The following PP2D1 variants were observed in gnomAD, a reference collection of about 807,000 sequenced individuals.
The protein encoded by PP2D1 is protein phosphatase 2C like domain containing 1.
In PP2D1, 25 loss-of-function variants were observed where a neutral mutation model predicts 30.2. The ratio of observed to expected loss-of-function variants is 0.83; its 90% CI spans 0.60 to 1.16. PP2D1 has a LOEUF of 1.16. PP2D1 is among the 50% of genes most tolerant of loss of function. PP2D1 has a pLI of 0.00. For synonymous variants in PP2D1, 260 were observed against 258.9 expected (o/e 1.00, Z -0.04); for missense variants, 760 against 742.4 (o/e 1.02, Z -0.28).
intron 1 of PP2D1, among the ~76,000 whole-genome samples, chr3:20,009,890 C>T (rs897070045): frequency 6.6e-5 from 10 of 152,142 alleles, no homozygotes; most frequent in African/African-American, 2.4e-4. Flanking sequence ...CAAATGTCCA[C>T]GTTATAAATA....
intron 1 of PP2D1, among the ~76,000 whole-genome samples, chr3:20,004,686 G>A (rs920947741): frequency 6.6e-6 from 1 of 152,076 alleles, no homozygotes; most frequent in African/African-American, 2.4e-5. Context: ...ACTGTACTCG[G>A]CACCTGGGGC....
At chr3:19,998,869 T>C (rs191508272) in intron 2 of PP2D1, among the ~76,000 whole-genome samples, 1 of 152,346 alleles carries the variant, frequency 6.6e-6, no homozygotes, top group East Asian at 1.9e-4. Context: ...CTGAAAGTCA[T>C]TTAAAGTTCT....
chr3:19,986,546 G>C (rs9858341), intron 2 of PP2D1, among the ~76,000 whole-genome samples: 131,687 of 152,188 alleles, frequency 0.87, 58,238 homozygotes, highest in African/African-American at 0.94. Context: ...TTCCATCTAG[G>C]AGATTTTTAA....
In PP2D1 at chr3:19,985,500, T is replaced by G. The variant is rs1409936681; in HGVS notation, c.1773A>C (p.Glu591Asp). Residue 591 changes from glutamate (E) to aspartate (D), a missense_variant, in exon 3 of 3, where the codon GAA (glutamate) becomes GAC (aspartate). Physicochemically the swap from Glu to Asp is conservative, Grantham distance 45. Coordinates refer to ENST00000389050, the MANE Select transcript of PP2D1 (RefSeq NM_001252657.2). ...CATGGCTAACATACTCAGCTGCGCC[T>G]TCATAGAAACTCTTAGTGTCTGATT... is the stretch of plus-strand genomic sequence containing the variant. ...EKESDTKSFYEGAAEYVSHEL... is the reference protein window; with the variant it reads ...EKESDTKSFYDGAAEYVSHEL... 3.3e-6 allele frequency: 5 copies of G among 1,536,104 alleles called. No individual in the cohort carries two copies. The East Asian group carries it at 1.2e-4, about 38-fold the overall frequency.
chr3:20,009,922 T>G (rs1476012321), intron 1 of PP2D1, among the ~76,000 whole-genome samples: 1 of 152,242 alleles, frequency 6.6e-6, no homozygotes, highest in Non-Finnish European at 1.5e-5. Context: ...ATTTGAATTT[T>G]GGGAAGCCTT....
At chr3:20,007,597 C>T (rs1697335312) in intron 1 of PP2D1, among the ~76,000 whole-genome samples, 2 of 151,910 alleles carry the variant, frequency 1.3e-5, no homozygotes, top group Non-Finnish European at 2.9e-5. Context: ...GGAGAAACTC[C>T]GTCTCTGCTA....
chr3:19,998,487 T>A (rs1435944306), intron 2 of PP2D1, among the ~76,000 whole-genome samples: 1 of 152,184 alleles, frequency 6.6e-6, no homozygotes, highest in Non-Finnish European at 1.5e-5. Context: ...TAATACACAT[T>A]TCAGGTGATG....
intron 2 of PP2D1, among the ~76,000 whole-genome samples, chr3:19,997,220 C>T (rs1025571048): frequency 6.8e-6 from 1 of 147,506 alleles, no homozygotes; most frequent in Admixed American, 6.8e-5. Flanking sequence ...CCCACCGTGA[C>T]GACTTGTAAT....
intron 1 of PP2D1, among the ~76,000 whole-genome samples, chr3:20,003,484 T>A (rs1697281178): frequency 6.6e-6 from 1 of 152,036 alleles, no homozygotes; most frequent in Non-Finnish European, 1.5e-5. Context: ...GGCTCACACC[T>A]GTAATCCCAA....
chr3:19,980,171 A>G (rs1696895855), exon 4 of PP2D1: 1 of 152,194 alleles, frequency 6.6e-6, no homozygotes, highest in African/African-American at 2.4e-5. Flanking sequence ...ACCCAGAATC[A>G]CATCTGAAAA....
intron 2 of PP2D1, among the ~76,000 whole-genome samples, chr3:19,987,218 A>G (rs954171662): frequency 6.6e-6 from 1 of 152,170 alleles, no homozygotes; most frequent in Non-Finnish European, 1.5e-5. Flanking sequence ...CAGTTTAAAC[A>G]TGATCTGAAC....
At chr3:20,011,269 A>T (rs899344839) in intron 1 of PP2D1, among the ~76,000 whole-genome samples, 4 of 152,188 alleles carry the variant, frequency 2.6e-5, no homozygotes, top group Non-Finnish European at 5.9e-5. Flanking sequence ...ATATATAAAA[A>T]TATTTTAATT....
At chr3:20,002,962 G>A (rs900481167) in intron 1 of PP2D1, among the ~76,000 whole-genome samples, 4 of 152,086 alleles carry the variant, frequency 2.6e-5, no homozygotes, top group African/African-American at 7.2e-5. Flanking sequence ...GGCTGAGGCA[G>A]GAGAATTGCT....
At chr3:20,011,022 C>T (rs1305021131) in intron 1 of PP2D1, among the ~76,000 whole-genome samples, 1 of 151,982 alleles carries the variant, frequency 6.6e-6, no homozygotes, top group Non-Finnish European at 1.5e-5. Context: ...CATTATTGTG[C>T]CCAACCGGGA....
downstream of PP2D1, chr3:19,984,164 G>C (rs1696987391): frequency 2.9e-6 from 1 of 339,250 alleles, no homozygotes; most frequent in South Asian, 1.8e-5. Flanking sequence ...TGGTACAGTA[G>C]TCACCTGTGA....
intron 2 of PP2D1, among the ~76,000 whole-genome samples, chr3:19,986,800 C>A (rs569060090): frequency 6.6e-6 from 1 of 151,938 alleles, no homozygotes; most frequent in African/African-American, 2.4e-5. Flanking sequence ...TTTGGGAGGC[C>A]GAGGTGGGCG....
At chr3:19,991,942 T>C (rs1277357517) in intron 2 of PP2D1, among the ~76,000 whole-genome samples, 1 of 152,144 alleles carries the variant, frequency 6.6e-6, no homozygotes, top group Non-Finnish European at 1.5e-5. Context: ...ATTGAAATAG[T>C]TACTGGGGAA....
downstream of PP2D1, chr3:19,983,635 T>G (rs1696975551): frequency 9.8e-7 from 1 of 1,024,228 alleles, no homozygotes; most frequent in Non-Finnish European, 1.5e-6. Context: ...AAAGAAAAAT[T>G]ATAGATAAGC....
downstream of PP2D1, among the ~76,000 whole-genome samples, chr3:19,982,225 G>A (rs1192520468): frequency 6.6e-6 from 1 of 152,192 alleles, no homozygotes; most frequent in African/African-American, 2.4e-5. Context: ...GCTACAGAGG[G>A]AGACCTTGTC....
Sources: gnomAD v4.1 joint callset for allele counts (sites outside exome capture counted in the v4.1 genomes callset) on GRCh38, gnomAD v4.1.1 for gene constraint, MANE v1.5 for transcripts, NCBI Gene and HGNC (gene_info 2026-07-23, HGNC 2026-07-21) for gene names.